The following SGCG variants were observed in gnomAD, a reference collection of about 807,000 sequenced individuals.
The protein encoded by SGCG is sarcoglycan gamma.
A neutral mutation model predicts 29.3 loss-of-function variants in SGCG; 26 were observed. That is an observed-to-expected ratio of 0.89 (90% CI 0.65 to 1.23). The LOEUF (loss-of-function observed/expected upper bound fraction) is 1.23. Ranked by LOEUF, SGCG falls within the 50% of genes most tolerant of loss-of-function variation. The pLI, the probability that SGCG is intolerant of heterozygous loss-of-function variation, is 0.00. For missense variants in SGCG, 353 were observed against 356.0 expected, an observed-to-expected ratio of 0.99 and a Z score of 0.07; for synonymous variants, 145 against 129.7, an observed-to-expected ratio of 1.12 and a Z score of -0.80.
At chr13:23,281,596 A>G (rs565100452) in intron 5 of SGCG, among the ~76,000 whole-genome samples, 1 of 152,216 alleles carries the variant, frequency 6.6e-6, no homozygotes, top group East Asian at 1.9e-4. Flanking sequence ...GTCCCCAACC[A>G]TTTTGGCACC....
At chr13:23,203,452 C>T (rs1019694904) in intron 1 of SGCG, among the ~76,000 whole-genome samples, 8 of 152,110 alleles carry the variant, frequency 5.3e-5, no homozygotes, top group African/African-American at 1.9e-4. Context: ...CACTAGATTT[C>T]AAACGTTTAT....
chr13:23,165,527 C>CTT, the SGCG span, among the ~76,000 whole-genome samples: 97 of 143,838 alleles, frequency 6.7e-4, no homozygotes, highest in African/African-American at 1.2e-3. Flanking sequence ...AGGAGGCAAA[C>CTT]TTTTTTTTTT....
chr13:23,281,595 C>A (rs1425625112), intron 5 of SGCG, among the ~76,000 whole-genome samples: 1 of 152,124 alleles, frequency 6.6e-6, no homozygotes, highest in Admixed American at 6.6e-5. Flanking sequence ...AGTCCCCAAC[C>A]ATTTTGGCAC....
chr13:23,279,975 A>C (rs1593216693), intron 5 of SGCG, among the ~76,000 whole-genome samples: 1 of 151,786 alleles, frequency 6.6e-6, no homozygotes, highest in South Asian at 2.1e-4. Context: ...TGATTCACCC[A>C]CCTTGGCCTC....
chr13:23,309,116 A>G (rs1456026992), intron 6 of SGCG, among the ~76,000 whole-genome samples: 4 of 152,078 alleles, frequency 2.6e-5, no homozygotes, highest in African/African-American at 9.7e-5. Flanking sequence ...TCTATTGAGA[A>G]TGGGTTCTTT....
chr13:23,170,828 C>A, the SGCG span, among the ~76,000 whole-genome samples: 1 of 152,216 alleles, frequency 6.6e-6, no homozygotes, highest in African/African-American at 2.4e-5. Flanking sequence ...AGGAGCAAGA[C>A]AAGTGCAGCT....
chr13:23,256,831 A>G (rs1188554743), intron 4 of SGCG, among the ~76,000 whole-genome samples: 1 of 152,250 alleles, frequency 6.6e-6, no homozygotes, highest in African/African-American at 2.4e-5. Flanking sequence ...CAGTGCCACA[A>G]TAAACATAGG....
At chr13:23,297,174 A>G (rs1195703559) in intron 6 of SGCG, among the ~76,000 whole-genome samples, 1 of 152,086 alleles carries the variant, frequency 6.6e-6, no homozygotes, top group Non-Finnish European at 1.5e-5. Flanking sequence ...AGATTTAATA[A>G]GATATTATGT....
chr13:23,231,565 G>T (rs1423524172), intron 2 of SGCG, among the ~76,000 whole-genome samples: 1 of 152,056 alleles, frequency 6.6e-6, no homozygotes, highest in Non-Finnish European at 1.5e-5. Flanking sequence ...CAAATTTTTG[G>T]AACAGAATTT....
intron 6 of SGCG, among the ~76,000 whole-genome samples, chr13:23,311,655 T>C (rs1882603913): frequency 6.6e-6 from 1 of 152,216 alleles, no homozygotes; most frequent in Non-Finnish European, 1.5e-5. Context: ...AGGTGTTCGA[T>C]GAGGAATCAG....
chr13:23,223,827 G>A (rs1878783389), intron 2 of SGCG, among the ~76,000 whole-genome samples: 1 of 152,122 alleles, frequency 6.6e-6, no homozygotes, highest in East Asian at 1.9e-4. Context: ...TTAGCCAGGT[G>A]TGGTGGTGCG....
chr13:23,224,430 A>T (rs1188539357), intron 2 of SGCG, among the ~76,000 whole-genome samples: 1 of 152,200 alleles, frequency 6.6e-6, no homozygotes, highest in Non-Finnish European at 1.5e-5. Context: ...AGTAGAATTC[A>T]ACAAGCATTT....
chr13:23,248,175 G>A (rs1354601460), intron 3 of SGCG, among the ~76,000 whole-genome samples: 2 of 151,396 alleles, frequency 1.3e-5, no homozygotes, highest in Non-Finnish European at 2.9e-5. Context: ...TCTACACACC[G>A]AGTTTTCCTT....
intron 2 of SGCG, among the ~76,000 whole-genome samples, chr13:23,214,555 C>A (rs1878353018): frequency 6.6e-6 from 1 of 152,222 alleles, no homozygotes; most frequent in Non-Finnish European, 1.5e-5. Flanking sequence ...TACCACTGGT[C>A]TTCCAACTGC....
chr13:23,162,518 C>G, the SGCG span, among the ~76,000 whole-genome samples: 6 of 152,126 alleles, frequency 3.9e-5, no homozygotes, highest in Non-Finnish European at 5.9e-5. Context: ...CCCAGCTACT[C>G]CGGAGGCTGA....
chr13:23,162,520 G>A, the SGCG span, among the ~76,000 whole-genome samples: 2 of 152,308 alleles, frequency 1.3e-5, no homozygotes, highest in Middle Eastern at 3.4e-3. Flanking sequence ...CAGCTACTCC[G>A]GAGGCTGAGG....
intron 4 of SGCG, among the ~76,000 whole-genome samples, chr13:23,270,645 C>T (rs1348561485): frequency 2.0e-5 from 3 of 152,150 alleles, no homozygotes. Context: ...CTAACTTAAT[C>T]AGGTATTTTA....
At chr13:23,246,095 G>GC (rs762932715) in intron 3 of SGCG, 23 of 155,834 alleles carry the variant, frequency 1.5e-4, no homozygotes, top group Non-Finnish European at 2.9e-4. Context: ...AGCAGCAGCA[G>GC]CAACAACAAC....
chr13:23,230,745 C>A (rs1879076849), intron 2 of SGCG, among the ~76,000 whole-genome samples: 1 of 151,924 alleles, frequency 6.6e-6, no homozygotes, highest in Admixed American at 6.6e-5. Flanking sequence ...ATTACTTTGA[C>A]TTCCTCTCCT....
Sources: allele counts gnomAD v4.1 joint callset (sites outside exome capture counted in the v4.1 genomes callset), GRCh38; gene constraint gnomAD v4.1.1; transcripts MANE v1.5; gene names NCBI Gene and HGNC (gene_info 2026-07-23, HGNC 2026-07-21).